The following PIAS4 variants were observed in gnomAD, a reference collection of about 807,000 sequenced individuals.
PIAS4 encodes the protein E3 SUMO-protein ligase PIAS4.
Under a neutral mutation model 58.0 loss-of-function variants are expected in PIAS4, and 7 were observed. The observed-to-expected ratio is 0.12, with a 90% CI of 0.07 to 0.23. The LOEUF (loss-of-function observed/expected upper bound fraction) is 0.23, where lower values mean the gene tolerates loss of function less well. Among genes scored for constraint, PIAS4 ranks in the 10% least tolerant of loss-of-function variants. PIAS4 has a pLI of 1.00. For synonymous variants in PIAS4, 364 were observed against 312.4 expected (o/e 1.17, Z -1.74); for missense variants, 550 against 709.5 (o/e 0.78, Z 2.55).
chr19:4,022,860 A>G (rs1178322869), intron 2 of PIAS4, among the ~76,000 whole-genome samples: 1 of 145,712 alleles, frequency 6.9e-6, no homozygotes, highest in East Asian at 2.0e-4. Flanking sequence ...TTGAGACACC[A>G]CACCCTGCTG....
At chr19:4,019,172 C>A (rs901358646) in intron 2 of PIAS4, among the ~76,000 whole-genome samples, 1 of 152,136 alleles carries the variant, frequency 6.6e-6, no homozygotes, top group African/African-American at 2.4e-5. Context: ...GGTTTCTGGC[C>A]CCAAACAGCT....
chr19:4,023,020 A>T (rs967371198), intron 2 of PIAS4, among the ~76,000 whole-genome samples: 12 of 151,072 alleles, frequency 7.9e-5, no homozygotes, highest in Admixed American at 7.9e-4. Context: ...AAAAATAGAA[A>T]ATTAGCCGGG....
rs750560411 is a variant in PIAS4, at chr19:4,028,779, C to T, written c.732C>T (p.Asn244=). 4.3e-6 allele frequency: 7 copies of T among 1,613,584 alleles called. No individual in the cohort carries two copies. The East Asian group carries it at 1.6e-4, about 36-fold the overall frequency. ...CCAAGAGGCCGTGCCGCCCCATCAA[C>T]CTCACCCACCTCATGTACCTGTCCT... ...VEPKRPCRPI[N]LTHLMYLSSA... Residue 244 remains asparagine (N), a synonymous_variant, in exon 6 of 11, where the codon AAC becomes AAT. Transcript: ENST00000262971.
chr19:4,022,666 G>A (rs1336991612), intron 2 of PIAS4, among the ~76,000 whole-genome samples: 1 of 151,280 alleles, frequency 6.6e-6, no homozygotes, highest in Non-Finnish European at 1.5e-5. Context: ...GCGCCTGGCC[G>A]TTTGTTTTTG....
chr19:4,009,639 G>A (rs2039974773), intron 1 of PIAS4, among the ~76,000 whole-genome samples: 1 of 152,068 alleles, frequency 6.6e-6, no homozygotes, highest in Non-Finnish European at 1.5e-5. Context: ...ATTCAAGGGG[G>A]CCTGGACCCT....
intron 1 of PIAS4, 33 bp downstream of exon 1, chr19:4,007,820 A>G: frequency 8.3e-7 from 1 of 1,203,804 alleles, no homozygotes; most frequent in Non-Finnish European, 1.0e-6. Context: ...GGCCGGGGCA[A>G]GTGGGCGAGA....
intron 9 of PIAS4, among the ~76,000 whole-genome samples, chr19:4,034,158 G>A (rs1055049596): frequency 1.3e-5 from 2 of 152,206 alleles, no homozygotes; most frequent in African/African-American, 2.4e-5. Context: ...TGCCTGATGC[G>A]GCTCCTGCCC....
intron 2 of PIAS4, 47 bp from the exon 3 acceptor site, chr19:4,023,989 G>T (rs1037269754): frequency 7.6e-7 from 1 of 1,324,412 alleles, no homozygotes; most frequent in Non-Finnish European, 1.1e-6. Context: ...GGGCTCGGGG[G>T]ACCTGCCAGG....
In PIAS4 at chr19:4,037,329, G is replaced by A; in HGVS notation, c.1143-45G>A. 1 of 1,567,678 alleles carries A rather than the reference G, an allele frequency of 6.4e-7. No homozygotes were observed. The highest frequency in any genetic ancestry group is 2.3e-5 in the East Asian group (1 of 44,186). ...GATGGAGGGCTGGGGAGTTGGGGGG[G>A]TGGGGCACCTCCAGCCCCGGCGTCA... On this transcript the variant is annotated intron_variant, in intron 9 of 10. Coordinates refer to ENST00000262971, the MANE Select transcript of PIAS4 (RefSeq NM_015897.4). The surrounding 1 kb of genome is among the most constrained non-coding windows in gnomAD (Gnocchi z 5.8).
At chr19:4,032,699 A>G (rs978233776) in intron 7 of PIAS4, among the ~76,000 whole-genome samples, 1 of 152,184 alleles carries the variant, frequency 6.6e-6, no homozygotes, top group Admixed American at 6.5e-5. Context: ...CCGTCTCCCA[A>G]AGAGTCCCTG....
chr19:4,015,487 T>G (rs943804406), intron 2 of PIAS4, among the ~76,000 whole-genome samples: 2 of 152,128 alleles, frequency 1.3e-5, no homozygotes, highest in South Asian at 2.1e-4. Flanking sequence ...TCCCACTGGC[T>G]CTCTCTCCAT....
At position 4,031,263 on chromosome 19, in the gene PIAS4, C is replaced by A. The variant is rs1258918658; in HGVS notation, c.908-1837C>A. ...TGGCACTGCCAGGGGCCTGCGAGCCCCATCGTGTTGAAGCCTCCTGTGCAC... is the reference window on the plus strand; with the variant it reads ...TGGCACTGCCAGGGGCCTGCGAGCCACATCGTGTTGAAGCCTCCTGTGCAC... On this transcript the variant is annotated intron_variant, in intron 7 of 10. Transcript: ENST00000262971. Among the ~76,000 whole-genome samples, 4 of 152,136 alleles carry A rather than the reference C, an allele frequency of 2.6e-5. No homozygotes were observed. The East Asian group carries it at 7.7e-4, about 29-fold the overall frequency.
intron 1 of PIAS4, among the ~76,000 whole-genome samples, chr19:4,011,743 G>T (rs1383217387): frequency 2.3e-4 from 10 of 43,164 alleles, no homozygotes; most frequent in East Asian, 5.5e-4. Flanking sequence ...GAGGTGTGTG[G>T]GGTGTGGAGG....
intron 2 of PIAS4, among the ~76,000 whole-genome samples, chr19:4,019,170 G>T (rs971686844): frequency 6.6e-6 from 1 of 152,166 alleles, no homozygotes; most frequent in Non-Finnish European, 1.5e-5. Flanking sequence ...TGGGTTTCTG[G>T]CCCCAAACAG....
intron 1 of PIAS4, among the ~76,000 whole-genome samples, chr19:4,008,475 C>T (rs1339004453): frequency 2.0e-5 from 3 of 152,294 alleles, no homozygotes; most frequent in African/African-American, 7.2e-5. Context: ...TTCCCGACAC[C>T]GTCTCTCACA....
intron 9 of PIAS4, among the ~76,000 whole-genome samples, chr19:4,035,106 C>T (rs2040261157): frequency 6.6e-6 from 1 of 152,162 alleles, no homozygotes; most frequent in African/African-American, 2.4e-5. Context: ...TGTGCTACGC[C>T]TGGGGCGGCC....
intron 3 of PIAS4, among the ~76,000 whole-genome samples, chr19:4,026,704 A>T (rs2040168385): frequency 6.6e-6 from 1 of 151,958 alleles, no homozygotes; most frequent in African/African-American, 2.4e-5. Context: ...ATTATTTAAG[A>T]CAGAATCTCA....
At chr19:4,034,185 A>G (rs1599232801) in intron 9 of PIAS4, among the ~76,000 whole-genome samples, 1 of 152,110 alleles carries the variant, frequency 6.6e-6, no homozygotes, top group African/African-American at 2.4e-5. Flanking sequence ...GACCGCGCCC[A>G]CCTCGTCCCC....
intron 9 of PIAS4, among the ~76,000 whole-genome samples, chr19:4,035,869 TCTC>T (rs2040271694): frequency 3.2e-3 from 8 of 2,510 alleles, no homozygotes; most frequent in African/African-American, 3.7e-3. Flanking sequence ...GTCCACACCG[TCTC>T]ACACACACAC....
Sources: gnomAD v4.1 joint callset for allele counts (sites outside exome capture counted in the v4.1 genomes callset) on GRCh38, gnomAD v4.1.1 for gene constraint, Gnocchi (gnomAD v3.1) non-coding constraint, MANE v1.5 for transcripts, NCBI Gene and HGNC (gene_info 2026-07-23, HGNC 2026-07-21) for gene names.